DGKI: variants seen among roughly 807,000 people sequenced by gnomAD.
DGKI encodes the protein DAG kinase iota.
DGKI carries 55 observed loss-of-function variants against 147.5 expected under a neutral mutation model. The ratio of observed to expected loss-of-function variants is 0.37; its 90% CI spans 0.30 to 0.47. DGKI has a LOEUF of 0.47. Among genes scored for constraint, DGKI ranks in the 20% least tolerant of loss-of-function variants. DGKI has a pLI of 1.00. For missense variants in DGKI, 1,007 were observed against 1,323.8 expected (o/e 0.76, Z 3.71); for synonymous variants, 469 against 477.1 (o/e 0.98, Z 0.22).
intron 20 of DGKI, among the ~76,000 whole-genome samples, chr7:137,528,849 C>G (rs900585722): frequency 6.6e-6 from 1 of 152,110 alleles, no homozygotes; most frequent in African/African-American, 2.4e-5. Flanking sequence ...GCAAATTCTC[C>G]CTGCAGTCTA....
chr7:137,830,746 T>C (rs565336479), intron 1 of DGKI, among the ~76,000 whole-genome samples: 1 of 152,216 alleles, frequency 6.6e-6, no homozygotes, highest in Non-Finnish European at 1.5e-5. Flanking sequence ...GGTATTATCC[T>C]GAATGTCCTC....
intron 1 of DGKI, among the ~76,000 whole-genome samples, chr7:137,780,070 TTC>T (rs1796474210): frequency 1.3e-5 from 2 of 152,348 alleles, no homozygotes; most frequent in East Asian, 3.9e-4. Flanking sequence ...AGAACTGTGT[TTC>T]CATATCATTG....
chr7:137,762,293 G>C (rs904740258), intron 1 of DGKI, among the ~76,000 whole-genome samples: 3 of 152,202 alleles, frequency 2.0e-5, no homozygotes, highest in Non-Finnish European at 4.4e-5. Flanking sequence ...TGCCAAGAAA[G>C]TGGCCTGAGA....
At chr7:137,534,357 T>C (rs1817447115) in intron 20 of DGKI, among the ~76,000 whole-genome samples, 1 of 152,108 alleles carries the variant, frequency 6.6e-6, no homozygotes, top group South Asian at 2.1e-4. Flanking sequence ...CTTTGTTTTC[T>C]GGGTGGGGAG....
chr7:137,685,579 T>G (rs942717852), intron 2 of DGKI, among the ~76,000 whole-genome samples: 1 of 152,228 alleles, frequency 6.6e-6, no homozygotes, highest in South Asian at 2.1e-4. Flanking sequence ...AACTGGGAAC[T>G]TGGAATCCAT....
chr7:137,464,228 G>C (rs1389704168), intron 26 of DGKI, among the ~76,000 whole-genome samples: 1 of 139,016 alleles, frequency 7.2e-6, no homozygotes, highest in African/African-American at 2.6e-5. Context: ...CTGCACTCCA[G>C]TCTGGGTGAC....
chr7:137,820,003 A>C (rs76306331), intron 1 of DGKI, among the ~76,000 whole-genome samples: 2 of 152,150 alleles, frequency 1.3e-5, no homozygotes, highest in African/African-American at 4.8e-5. Flanking sequence ...CACTTCTTGC[A>C]TGCCTTCGAC....
chr7:137,508,036 C>G (rs1473967124), intron 21 of DGKI, among the ~76,000 whole-genome samples: 1 of 151,992 alleles, frequency 6.6e-6, no homozygotes, highest in Non-Finnish European at 1.5e-5. Flanking sequence ...TAGGTAGGTA[C>G]AGAGTAGAGT....
intron 1 of DGKI, chr7:137,722,887 G>A (rs1390261698): frequency 3.4e-5 from 18 of 526,624 alleles, no homozygotes; most frequent in South Asian, 8.0e-5. Flanking sequence ...AGTTGACTAC[G>A]TTAAAAAAAA....
intron 23 of DGKI, among the ~76,000 whole-genome samples, chr7:137,470,296 C>T (rs1814829910): frequency 6.6e-6 from 1 of 152,162 alleles, no homozygotes; most frequent in African/African-American, 2.4e-5. Flanking sequence ...TATGACCTCC[C>T]AATTTCCCCT....
intron 21 of DGKI, among the ~76,000 whole-genome samples, chr7:137,519,592 T>C (rs75167958): frequency 0.028 from 4,242 of 152,156 alleles, 88 homozygotes; most frequent in South Asian, 0.072. Flanking sequence ...ACTTAATTAA[T>C]GCTTCTGAAA....
At chr7:137,536,836 C>A (rs779653706) in intron 20 of DGKI, among the ~76,000 whole-genome samples, 5 of 151,938 alleles carry the variant, frequency 3.3e-5, no homozygotes, top group Non-Finnish European at 5.9e-5. Flanking sequence ...TGTCACTAGA[C>A]CTCTCAGAGT....
chr7:137,814,577 A>C (rs1032988828), intron 1 of DGKI, among the ~76,000 whole-genome samples: 1 of 152,164 alleles, frequency 6.6e-6, no homozygotes. Context: ...TGTGTGAATA[A>C]ATACACAAGA....
intron 1 of DGKI, among the ~76,000 whole-genome samples, chr7:137,738,209 G>C (rs183114859): frequency 6.6e-6 from 1 of 152,086 alleles, no homozygotes; most frequent in African/African-American, 2.4e-5. Context: ...TAAGTTAATC[G>C]GTGTAATGTA....
intron 32 of DGKI, among the ~76,000 whole-genome samples, chr7:137,394,341 T>C (rs1467955428): frequency 1.3e-5 from 2 of 152,242 alleles, no homozygotes; most frequent in African/African-American, 2.4e-5. Flanking sequence ...GTGTATTTCA[T>C]GTGTGGCCCA....
chr7:137,831,625 C>T (rs930344558), intron 1 of DGKI, among the ~76,000 whole-genome samples: 1 of 152,212 alleles, frequency 6.6e-6, no homozygotes, highest in African/African-American at 2.4e-5. Context: ...GAGTACAATT[C>T]AAGATGAGAC....
chr7:137,480,646 T>C (rs977531955), intron 23 of DGKI, among the ~76,000 whole-genome samples: 3 of 152,072 alleles, frequency 2.0e-5, no homozygotes, highest in African/African-American at 7.2e-5. Flanking sequence ...CCCTGAAGAA[T>C]GAAAAGGCTT....
intron 27 of DGKI, among the ~76,000 whole-genome samples, chr7:137,454,534 G>C (rs1041956382): frequency 1.3e-5 from 2 of 152,132 alleles, no homozygotes; most frequent in African/African-American, 4.8e-5. Context: ...TACTTCACAA[G>C]CTTATTTATC....
chr7:137,804,533 C>T (rs1797307144), intron 1 of DGKI, among the ~76,000 whole-genome samples: 1 of 152,096 alleles, frequency 6.6e-6, no homozygotes, highest in South Asian at 2.1e-4. Context: ...TCTGTAAGAA[C>T]AAAGGCAAGG....
Sources: gnomAD v4.1 joint callset for allele counts (sites outside exome capture counted in the v4.1 genomes callset) on GRCh38, gnomAD v4.1.1 for gene constraint, MANE v1.5 for transcripts, NCBI Gene and HGNC (gene_info 2026-07-23, HGNC 2026-07-21) for gene names.